KCNIP4: variants seen among roughly 807,000 people sequenced by gnomAD.
KCNIP4 encodes Kv channel-interacting protein 4.
A neutral mutation model predicts 34.0 loss-of-function variants in KCNIP4; 12 were observed. The observed-to-expected ratio is 0.35, with a 90% confidence interval of 0.23 to 0.57. The LOEUF (loss-of-function observed/expected upper bound fraction) is 0.57. KCNIP4 is among the 20% of genes least tolerant of loss of function. The probability of loss-of-function intolerance (pLI) is 0.83; values close to 1 mark genes in which losing one functional copy is unlikely to be tolerated. For missense variants in KCNIP4, 238 were observed against 311.7 expected, an observed-to-expected ratio of 0.76 and a Z score of 1.78; for synonymous variants, 124 against 102.2, an observed-to-expected ratio of 1.21 and a Z score of -1.29.
chr4:21,917,082 C>G (rs911729734), intron 1 of KCNIP4, among the ~76,000 whole-genome samples: 3 of 152,142 alleles, frequency 2.0e-5, no homozygotes, highest in Non-Finnish European at 4.4e-5. Flanking sequence ...CTAGTGTGAT[C>G]ATGTCATTAA....
chr4:21,687,444 T>C (rs1750899305), intron 1 of KCNIP4, among the ~76,000 whole-genome samples: 2 of 152,160 alleles, frequency 1.3e-5, no homozygotes, highest in South Asian at 2.1e-4. Context: ...TTCAATTTTG[T>C]AGCACTTCCA....
intron 1 of KCNIP4, among the ~76,000 whole-genome samples, chr4:21,625,181 A>G (rs926092759): frequency 2.2e-4 from 33 of 152,064 alleles, no homozygotes; most frequent in African/African-American, 7.7e-4. Flanking sequence ...ATAATAATAT[A>G]CATTAAACAA....
chr4:21,067,540 C>T (rs151279915), intron 1 of KCNIP4, among the ~76,000 whole-genome samples: 10 of 152,296 alleles, frequency 6.6e-5, no homozygotes, highest in African/African-American at 2.2e-4. Context: ...TTAGGAGGAA[C>T]TCATCCTCTT....
chr4:21,862,777 C>CCTGGCTAACAT (rs1725152844), intron 1 of KCNIP4, among the ~76,000 whole-genome samples: 1 of 151,990 alleles, frequency 6.6e-6, no homozygotes, highest in Non-Finnish European at 1.5e-5. Flanking sequence ...ATCGAGACCA[C>CCTGGCTAACAT]GGTGAAACCC....
intron 3 of KCNIP4, among the ~76,000 whole-genome samples, chr4:20,779,574 C>T (rs1756669554): frequency 2.6e-5 from 1 of 38,448 alleles, no homozygotes; most frequent in African/African-American, 8.3e-5. Context: ...CCCTGCCCCA[C>T]AACCCCCCCC....
chr4:20,879,624 C>CTG (rs1186206802), intron 2 of KCNIP4, among the ~76,000 whole-genome samples: 1 of 152,130 alleles, frequency 6.6e-6, no homozygotes, highest in Non-Finnish European at 1.5e-5. Flanking sequence ...TCTTTTAATG[C>CTG]TTTCGTTTGA....
chr4:21,626,401 C>T (rs567992842), intron 1 of KCNIP4, among the ~76,000 whole-genome samples: 2 of 150,286 alleles, frequency 1.3e-5, no homozygotes, highest in African/African-American at 4.9e-5. Context: ...TTTTTTTTCA[C>T]CCCCTAAGTG....
At chr4:21,721,284 T>C in intron 1 of KCNIP4, among the ~76,000 whole-genome samples, 1 of 152,224 alleles carries the variant, frequency 6.6e-6, no homozygotes, top group East Asian at 1.9e-4. Context: ...ACTTAACTTG[T>C]CACCAAAAGA....
At chr4:21,230,952 T>G (rs1758745231) in intron 1 of KCNIP4, among the ~76,000 whole-genome samples, 1 of 152,190 alleles carries the variant, frequency 6.6e-6, no homozygotes, top group African/African-American at 2.4e-5. Flanking sequence ...GTCTTCCAAA[T>G]GGTTGAACTA....
intron 1 of KCNIP4, among the ~76,000 whole-genome samples, chr4:21,933,212 G>T (rs1250502251): frequency 6.6e-6 from 1 of 152,042 alleles, no homozygotes; most frequent in African/African-American, 2.4e-5. Flanking sequence ...CAGATAATGT[G>T]ATGTGACTAT....
chr4:21,895,315 A>G (rs1482353012), intron 1 of KCNIP4, among the ~76,000 whole-genome samples: 1 of 152,192 alleles, frequency 6.6e-6, no homozygotes, highest in East Asian at 1.9e-4. Flanking sequence ...TGATAAGGAC[A>G]AAAGATAAAA....
chr4:21,253,121 A>C (rs577271623), intron 1 of KCNIP4, among the ~76,000 whole-genome samples: 193 of 152,312 alleles, frequency 1.3e-3, no homozygotes, highest in Middle Eastern at 3.4e-3. Context: ...AGGATTATGC[A>C]TAGGTCTGAC....
At chr4:21,859,379 C>A (rs958370119) in intron 1 of KCNIP4, among the ~76,000 whole-genome samples, 1 of 151,750 alleles carries the variant, frequency 6.6e-6, no homozygotes, top group Admixed American at 6.6e-5. Flanking sequence ...ATAGTGCTCT[C>A]GGGTGGATCA....
intron 1 of KCNIP4, among the ~76,000 whole-genome samples, chr4:21,862,649 T>C (rs933760095): frequency 7.2e-5 from 11 of 152,116 alleles, no homozygotes; most frequent in Admixed American, 2.0e-4. Context: ...ATGGTAGGTG[T>C]TCAATAAATA....
intron 2 of KCNIP4, among the ~76,000 whole-genome samples, chr4:20,877,215 G>A (rs1050410773): frequency 2.6e-5 from 4 of 152,110 alleles, no homozygotes; most frequent in Non-Finnish European, 5.9e-5. Flanking sequence ...AAGGACCAGA[G>A]CCCTTTTTTA....
intron 1 of KCNIP4, among the ~76,000 whole-genome samples, chr4:21,538,338 A>G (rs774248999): frequency 1.3e-5 from 2 of 152,272 alleles, no homozygotes; most frequent in South Asian, 2.1e-4. Flanking sequence ...CTAACACACC[A>G]TCCATAAATA....
intron 1 of KCNIP4, among the ~76,000 whole-genome samples, chr4:21,797,757 T>G (rs13102999): frequency 0.98 from 148,668 of 152,200 alleles, 72,708 homozygotes; most frequent in East Asian, 1. Flanking sequence ...ATAAGATAAG[T>G]TATGTATTGA....
intron 1 of KCNIP4, among the ~76,000 whole-genome samples, chr4:21,347,713 T>C (rs1053289420): frequency 2.0e-5 from 3 of 152,206 alleles, no homozygotes; most frequent in Admixed American, 2.0e-4. Flanking sequence ...ACATTATTTT[T>C]ATCAGCAGCA....
chr4:21,065,921 T>C (rs1744342497), intron 1 of KCNIP4, among the ~76,000 whole-genome samples: 1 of 151,856 alleles, frequency 6.6e-6, no homozygotes, highest in Non-Finnish European at 1.5e-5. Context: ...TTTGTGATTT[T>C]AGGATTTAGA....
Sources: gnomAD v4.1 joint callset for allele counts (sites outside exome capture counted in the v4.1 genomes callset) on GRCh38, gnomAD v4.1.1 for gene constraint, MANE v1.5 for transcripts, NCBI Gene and HGNC (gene_info 2026-07-23, HGNC 2026-07-21) for gene names.